Variants in SPATA13 observed in about 807,000 individuals in gnomAD.
The protein encoded by SPATA13 is spermatogenesis-associated protein 13.
Under a neutral mutation model 104.0 loss-of-function variants are expected in SPATA13, and 50 were observed. That is an observed-to-expected ratio of 0.48 (90% CI 0.38 to 0.61). SPATA13 has a LOEUF of 0.61. SPATA13 is among the 20% of genes least tolerant of loss of function. The pLI is 0.00. For synonymous variants in SPATA13, 606 were observed against 667.5 expected (o/e 0.91, Z 1.42); for missense variants, 1,524 against 1,690.6 (o/e 0.90, Z 1.73).
intron 3 of SPATA13, chr13:24,123,415 G>T: frequency 7.6e-7 from 1 of 1,316,936 alleles, no homozygotes. Context: ...AAGAGGGGGA[G>T]TACATGATTC....
At chr13:23,991,952 T>C (rs1295021732) in intron 2 of SPATA13, among the ~76,000 whole-genome samples, 1 of 152,218 alleles carries the variant, frequency 6.6e-6, no homozygotes, top group Non-Finnish European at 1.5e-5. Context: ...GACACGGTGA[T>C]GAAGATCATG....
rs552163452 is a variant in SPATA13 at position 23,996,781 on chromosome 13, G to A, written c.-147+12848G>A. Among the ~76,000 whole-genome samples, 410 of 152,336 alleles carry A rather than the reference G, an allele frequency of 2.7e-3. 6 individuals carry two copies. Among genetic ancestry groups the A allele is most frequent in the African/African-American group, 9.4e-3 (392 of 41,568 alleles). On this transcript the variant is annotated intron_variant, in intron 2 of 14. Transcript: ENST00000424834. ...CATAATTTAACAAGAGGCTGCCAGC[G>A]TTCCTTGGCTTGTGGCCCCTCCTCC...
At chr13:24,057,567 G>GTGTATTGAAAAGACAGAGATTTGGCA (rs763548848) in intron 3 of SPATA13, among the ~76,000 whole-genome samples, 2 of 152,026 alleles carry the variant, frequency 1.3e-5, no homozygotes. Flanking sequence ...CTGGTGCAGG[G>GTGTATTGAAAAGACAGAGATTTGGCA]CTGGGAATTT....
At chr13:23,996,336 GA>G (rs1193294295) in intron 2 of SPATA13, among the ~76,000 whole-genome samples, 2 of 151,992 alleles carry the variant, frequency 1.3e-5, no homozygotes, top group African/African-American at 2.4e-5. Flanking sequence ...AGAATGGTGA[GA>G]AGGGCATAAA....
intron 4 of SPATA13, among the ~76,000 whole-genome samples, chr13:24,282,674 C>T (rs1007372625): frequency 7.2e-5 from 11 of 152,212 alleles, no homozygotes; most frequent in African/African-American, 2.2e-4. Context: ...TCTTCCTCCA[C>T]GTCGTAGCAA....
chr13:24,104,618 G>A lies in SPATA13; in HGVS notation c.-112+86917G>A, dbSNP rs188999233. On this transcript the variant is annotated intron_variant, in intron 3 of 14. Coordinates refer to the SPATA13 transcript ENST00000424834. ...TTCACTCATAGTGACAATGAGAGGG[G>A]CATGTGGAATGCAAATAAAGTATTA... Among the ~76,000 whole-genome samples, 3 of 152,312 alleles carry A rather than the reference G, an allele frequency of 2.0e-5. No individual in the cohort carries two copies. The East Asian group carries it at 5.8e-4, about 29-fold the overall frequency.
At chr13:24,083,823 G>C (rs577414877) in intron 3 of SPATA13, among the ~76,000 whole-genome samples, 3 of 152,294 alleles carry the variant, frequency 2.0e-5, no homozygotes, top group African/African-American at 7.2e-5. Flanking sequence ...AGCTCTAACT[G>C]CTCATTTCCC....
intron 2 of SPATA13, 32 bp downstream of exon 2, chr13:24,224,614 C>T (rs540136309): frequency 2.3e-5 from 36 of 1,535,462 alleles, no homozygotes; most frequent in South Asian, 9.5e-5. Flanking sequence ...CTCATGTGGG[C>T]GACCCTCCTG....
At position 24,303,265 on chromosome 13, in the gene SPATA13, C is replaced by A. The variant is rs1242513567; in HGVS notation, c.*492C>A. 2 of 423,514 alleles carry A rather than the reference C, an allele frequency of 4.7e-6. No individual in the cohort carries two copies. The highest frequency in any genetic ancestry group is 5.3e-5 in the Admixed American group (2 of 37,858). 26.2% of individuals were successfully genotyped at this position (423,514 alleles called of 1,614,324 possible). Reference sequence around the variant, plus strand: ...GTCACACTTAGAAATTGAGCTCTTACTCTCTTCTGTAATACTGGGGGACCT... The same window carrying A: ...GTCACACTTAGAAATTGAGCTCTTAATCTCTTCTGTAATACTGGGGGACCT... On this transcript the variant is annotated 3_prime_UTR_variant, in exon 13 of 13. Transcript: ENST00000382108.
At chr13:23,982,311 C>A (rs938089510) in intron 1 of SPATA13, among the ~76,000 whole-genome samples, 1 of 152,120 alleles carries the variant, frequency 6.6e-6, no homozygotes, top group African/African-American at 2.4e-5. Flanking sequence ...GCCTGGGAAA[C>A]CTCTTTGAAC....
At chr13:24,081,893 C>T (rs1879533184) in intron 3 of SPATA13, among the ~76,000 whole-genome samples, 1 of 152,180 alleles carries the variant, frequency 6.6e-6, no homozygotes, top group Admixed American at 6.5e-5. Context: ...GAATAAGTTA[C>T]CTGGGCCCTG....
chr13:24,153,345 A>G (rs1882161298), intron 3 of SPATA13, among the ~76,000 whole-genome samples: 1 of 152,092 alleles, frequency 6.6e-6, no homozygotes, highest in South Asian at 2.1e-4. Context: ...CACTCTGTGC[A>G]CTTCCTCCTC....
At chr13:24,122,019 C>G in intron 3 of SPATA13, 1 of 1,328,226 alleles carries the variant, frequency 7.5e-7, no homozygotes, top group Non-Finnish European at 1.1e-6. Context: ...CTAGGACGAA[C>G]ACAAGCTCTT....
chr13:24,293,971 A>G (rs1034164464), intron 9 of SPATA13, among the ~76,000 whole-genome samples: 14 of 152,208 alleles, frequency 9.2e-5, no homozygotes, highest in African/African-American at 2.7e-4. Context: ...AGCGGAAAAT[A>G]TAGCTCATTA....
At chr13:24,017,791 ATGTT>A in intron 3 of SPATA13, 5 of 735,462 alleles carry the variant, frequency 6.8e-6, no homozygotes, top group Non-Finnish European at 8.3e-6. Context: ...TATAATCTGT[ATGTT>A]AACTCCGTAA....
chr13:24,284,976 C>T lies in SPATA13; in HGVS notation c.2301+705C>T, dbSNP rs575005883. ...CACCCATGTATTTCTCCCTCCAAAT[C>T]TGGTGTTCCTTTGGCCACCCTGCAG... On this transcript the variant is annotated intron_variant, in intron 5 of 12. Coordinates refer to ENST00000382108, the MANE Select transcript of SPATA13 (RefSeq NM_001166271.3). Among the ~76,000 whole-genome samples, 3 of 152,304 alleles carry T rather than the reference C, an allele frequency of 2.0e-5. No homozygotes were observed. In the South Asian group the frequency reaches 6.2e-4, roughly 32 times the overall value.
intron 1 of SPATA13, among the ~76,000 whole-genome samples, chr13:24,182,556 C>T (rs1208846755): frequency 1.3e-5 from 2 of 151,946 alleles, no homozygotes; most frequent in African/African-American, 4.8e-5. Flanking sequence ...TCGAAGTGAA[C>T]TTACAGAGTG....
intron 2 of SPATA13, among the ~76,000 whole-genome samples, chr13:24,016,865 C>A (rs1026793397): frequency 6.6e-6 from 1 of 152,252 alleles, no homozygotes; most frequent in African/African-American, 2.4e-5. Flanking sequence ...GAATCCAGGG[C>A]TGGTGCAGGA....
chr13:24,053,273 T>G (rs778141539), intron 3 of SPATA13, among the ~76,000 whole-genome samples: 2 of 152,156 alleles, frequency 1.3e-5, no homozygotes, highest in Non-Finnish European at 2.9e-5. Context: ...CTCAGTGCTG[T>G]GATCCACAAA....
Sources: gnomAD v4.1 joint callset for allele counts (sites outside exome capture counted in the v4.1 genomes callset) on GRCh38, gnomAD v4.1.1 for gene constraint, MANE v1.5 for transcripts, NCBI Gene and HGNC (gene_info 2026-07-23, HGNC 2026-07-21) for gene names.